GULP1: variants seen among roughly 807,000 people sequenced by gnomAD.
GULP1 encodes GULP PTB domain containing engulfment adaptor 1, also known as PTB domain-containing engulfment adapter protein 1.
Under a neutral mutation model 40.9 loss-of-function variants are expected in GULP1, and 19 were observed. The ratio of observed to expected loss-of-function variants is 0.46; its 90% CI spans 0.32 to 0.68. The LOEUF (loss-of-function observed/expected upper bound fraction) is 0.68. Among genes scored for constraint, GULP1 ranks in the 30% least tolerant of loss-of-function variants. GULP1 has a pLI of 0.03. For synonymous variants in GULP1, 119 were observed against 117.6 expected, an observed-to-expected ratio of 1.01 and a Z score of -0.08; for missense variants, 312 against 362.2, an observed-to-expected ratio of 0.86 and a Z score of 1.12.
At position 188,551,365 on chromosome 2, in the gene GULP1, T is replaced by G. The variant is rs183712311; in HGVS notation, c.399+10047T>G. ...CAGGCTCTGTTATCCATCTTTCTAC[T>G]CTCTACCTCCATGTGATGAAATACT... On this transcript the variant is annotated intron_variant, in intron 7 of 11. Coordinates refer to ENST00000409830, the MANE Select transcript of GULP1 (RefSeq NM_016315.4). 2.6e-5 allele frequency among the ~76,000 whole-genome samples: 4 copies of G among 151,828 alleles called. No homozygotes were observed. In the East Asian group the frequency reaches 7.7e-4, roughly 29 times the overall value.
chr2:188,437,448 T>C (rs1463042801), intron 2 of GULP1, among the ~76,000 whole-genome samples: 5 of 152,150 alleles, frequency 3.3e-5, no homozygotes, highest in Non-Finnish European at 7.4e-5. Flanking sequence ...GTACTTGGAC[T>C]TGTAAGTTAC....
At chr2:188,449,824 T>A (rs1004531747) in intron 2 of GULP1, among the ~76,000 whole-genome samples, 17 of 152,108 alleles carry the variant, frequency 1.1e-4, no homozygotes, top group Non-Finnish European at 5.9e-5. Flanking sequence ...CAGTGAGAAA[T>A]TGGTTTTCCT....
intron 1 of GULP1, among the ~76,000 whole-genome samples, chr2:188,321,655 A>G (rs10189197): frequency 0.15 from 23,010 of 152,092 alleles, 1,891 homozygotes; most frequent in African/African-American, 0.17. Context: ...GGGGAAATGT[A>G]GTCTTCTATA....
chr2:188,339,045 TAAAAA>T (rs1004789723), intron 1 of GULP1, among the ~76,000 whole-genome samples: 5 of 152,344 alleles, frequency 3.3e-5, no homozygotes, highest in Admixed American at 3.3e-4. Flanking sequence ...CCTCTGTAGG[TAAAAA>T]TGGTGATTGA....
chr2:188,519,051 T>C (rs934581681), intron 4 of GULP1, among the ~76,000 whole-genome samples: 1 of 152,142 alleles, frequency 6.6e-6, no homozygotes, highest in African/African-American at 2.4e-5. Context: ...TTTTTTGTAA[T>C]TAAAAAAATA....
At chr2:188,392,511 G>A (rs901205555) in intron 2 of GULP1, among the ~76,000 whole-genome samples, 1 of 151,806 alleles carries the variant, frequency 6.6e-6, no homozygotes, top group East Asian at 1.9e-4. Context: ...TCTAGCTAAT[G>A]GTCTATCTAG....
chr2:188,431,465 C>T (rs751807493), intron 2 of GULP1, among the ~76,000 whole-genome samples: 1 of 151,948 alleles, frequency 6.6e-6, no homozygotes, highest in Non-Finnish European at 1.5e-5. Context: ...ATCTGAGAAA[C>T]TTAAAAGAAA....
At chr2:188,420,694 T>G (rs1409618615) in intron 2 of GULP1, among the ~76,000 whole-genome samples, 3 of 152,124 alleles carry the variant, frequency 2.0e-5, no homozygotes, top group African/African-American at 7.2e-5. Context: ...GTCCAGGGTT[T>G]TTATGGACTT....
chr2:188,590,453 G>A (rs907740751), intron 11 of GULP1: 1 of 152,138 alleles, frequency 6.6e-6, no homozygotes. Context: ...AGTACAATGG[G>A]TTGTGAACAC....
chr2:188,388,986 G>T (rs2050163870), intron 2 of GULP1, among the ~76,000 whole-genome samples: 1 of 152,198 alleles, frequency 6.6e-6, no homozygotes, highest in South Asian at 2.1e-4. Context: ...AGAAACAATA[G>T]AAGCTTTGTC....
chr2:188,556,652 G>A (rs1694835670), intron 7 of GULP1, among the ~76,000 whole-genome samples: 1 of 152,038 alleles, frequency 6.6e-6, no homozygotes, highest in African/African-American at 2.4e-5. Context: ...TCCTTATGTT[G>A]ATATCTGCAC....
intron 1 of GULP1, among the ~76,000 whole-genome samples, chr2:188,350,135 G>A (rs72909505): frequency 0.011 from 1,729 of 152,148 alleles, 14 homozygotes; most frequent in Non-Finnish European, 0.019. Context: ...TTTAAAATTG[G>A]GAAGCATATC....
At chr2:188,536,742 G>A (rs1575868993) in intron 6 of GULP1, among the ~76,000 whole-genome samples, 2 of 152,240 alleles carry the variant, frequency 1.3e-5, no homozygotes, top group South Asian at 4.1e-4. Context: ...CCATTTGATA[G>A]GAGTAACATT....
chr2:188,409,550 C>A (rs115867646), intron 2 of GULP1, among the ~76,000 whole-genome samples: 1,851 of 152,154 alleles, frequency 0.012, 15 homozygotes, highest in East Asian at 0.022. Flanking sequence ...AATACCAATT[C>A]TTTTCAATTT....
At chr2:188,355,056 G>A (rs1466515400) in intron 1 of GULP1, among the ~76,000 whole-genome samples, 1 of 152,046 alleles carries the variant, frequency 6.6e-6, no homozygotes, top group Non-Finnish European at 1.5e-5. Context: ...GTATTAAGAG[G>A]CATGTTTATA....
At chr2:188,537,056 T>G (rs1239642253) in intron 6 of GULP1, among the ~76,000 whole-genome samples, 24 of 152,146 alleles carry the variant, frequency 1.6e-4, no homozygotes, top group Admixed American at 1.6e-3. Flanking sequence ...TTACTGAAGT[T>G]GTTTACTATC....
At chr2:188,486,282 CA>C (rs2061855207) in intron 4 of GULP1, among the ~76,000 whole-genome samples, 1 of 151,840 alleles carries the variant, frequency 6.6e-6, no homozygotes, top group African/African-American at 2.4e-5. Context: ...GATAAATTTG[CA>C]GTGGAAAATA....
chr2:188,331,910 T>C (rs2041644560), intron 1 of GULP1, among the ~76,000 whole-genome samples: 1 of 152,182 alleles, frequency 6.6e-6, no homozygotes, highest in Non-Finnish European at 1.5e-5. Context: ...CTGTAATGAC[T>C]ATATTGTTAT....
intron 9 of GULP1, among the ~76,000 whole-genome samples, chr2:188,579,723 A>G (rs1700883333): frequency 6.6e-6 from 1 of 152,200 alleles, no homozygotes; most frequent in African/African-American, 2.4e-5. Context: ...ATTGTAGTAT[A>G]TAAATACTTG....
Sources: allele counts gnomAD v4.1 joint callset (sites outside exome capture counted in the v4.1 genomes callset), GRCh38; gene constraint gnomAD v4.1.1; transcripts MANE v1.5; gene names NCBI Gene and HGNC (gene_info 2026-07-23, HGNC 2026-07-21).